KLHL36: variants seen among roughly 807,000 people sequenced by gnomAD.
KLHL36 encodes kelch-like protein 36.
Under a neutral mutation model 53.3 loss-of-function variants are expected in KLHL36, and 35 were observed. That is an observed-to-expected ratio of 0.66 (90% CI 0.50 to 0.87). The LOEUF is 0.87. KLHL36 is among the 40% of genes least tolerant of loss of function. The pLI, the probability that KLHL36 is intolerant of heterozygous loss-of-function variation, is 0.00. For synonymous variants in KLHL36, 472 were observed against 398.9 expected, an observed-to-expected ratio of 1.18 and a Z score of -2.18; for missense variants, 864 against 897.6, an observed-to-expected ratio of 0.96 and a Z score of 0.48.
rs918490442 is a variant in KLHL36, at chr16:84,661,366, G to A, written c.1296-212G>A. Among the ~76,000 whole-genome samples the A allele has an allele frequency of 6.6e-6, 1 of 152,158 alleles. No homozygotes were observed. The highest frequency in any genetic ancestry group is 1.9e-4 in the East Asian group (1 of 5,194). Reference sequence around the variant, plus strand: ...AGTGAAGCTGGGTTCTGGCCCAGGCGGCCTGACTGCAAAGCTGTCCACTTC... The same window carrying A: ...AGTGAAGCTGGGTTCTGGCCCAGGCAGCCTGACTGCAAAGCTGTCCACTTC... On this transcript the variant is annotated intron_variant, in intron 4 of 4. Coordinates refer to ENST00000564996, the MANE Select transcript of KLHL36 (RefSeq NM_024731.4). The surrounding 1 kb of genome is among the most constrained non-coding windows in gnomAD (Gnocchi z 7.9).
At chr16:84,656,090 C>T (rs1032429717) in intron 2 of KLHL36, among the ~76,000 whole-genome samples, 2 of 151,752 alleles carry the variant, frequency 1.3e-5, no homozygotes, top group Non-Finnish European at 2.9e-5. Flanking sequence ...ACAGGAATCT[C>T]GCTATGTTGC....
At chr16:84,652,958 C>T (rs574981939) in intron 2 of KLHL36, among the ~76,000 whole-genome samples, 1 of 152,244 alleles carries the variant, frequency 6.6e-6, no homozygotes, top group South Asian at 2.1e-4. Flanking sequence ...TGGCTCACGC[C>T]TGTAATCCCA....
Position 84,665,974 on chromosome 16 carries a change from T to A in KLHL36, c.*3841T>A, listed in dbSNP as rs1045495538. On this transcript the variant is annotated 3_prime_UTR_variant, in exon 5 of 5. Transcript: ENST00000564996. ...AGCCCGTGGTTGGAACCCCGTCCAC[T>A]GGTCCCAAACCTGGAGGGGCAGCTG... 6.6e-6 allele frequency: 1 copy of A among 152,122 alleles called. No individual in the cohort carries two copies. Among genetic ancestry groups the A allele is most frequent in the Non-Finnish European group, 1.5e-5 (1 of 68,062 alleles). 9.4% of individuals were successfully genotyped at this position (152,122 alleles called of 1,614,324 possible). A position where few individuals can be genotyped will look rare whatever the true frequency, so the allele number is the denominator to read the frequency against.
Position 84,665,126 on chromosome 16 carries a change from A to C in KLHL36, c.*2993A>C, listed in dbSNP as rs867425. The C allele has an allele frequency of 0.19, 28,361 of 152,206 alleles. 2,919 individuals are homozygous for C. The highest frequency in any genetic ancestry group is 0.22 in the Non-Finnish European group (14,634 of 68,004). 9.4% of individuals were successfully genotyped at this position (152,206 alleles called of 1,614,324 possible). A position where few individuals can be genotyped will look rare whatever the true frequency, so the allele number is the denominator to read the frequency against. ...AGTCACGAATGTGGGGTTTTAAACT[A>C]GAGTGATGAAGGCACAGGTGCTTGC... is the stretch of plus-strand genomic sequence containing the variant. On this transcript the variant is annotated 3_prime_UTR_variant, in exon 5 of 5. Coordinates refer to ENST00000564996, the MANE Select transcript of KLHL36 (RefSeq NM_024731.4).
Position 84,665,436 on chromosome 16 carries a change from G to A in KLHL36, c.*3303G>A, listed in dbSNP as rs1907783227. The A allele has an allele frequency of 6.6e-6, 1 of 152,214 alleles. No homozygotes were observed. Among genetic ancestry groups the A allele is most frequent in the Non-Finnish European group, 1.5e-5 (1 of 68,040 alleles). 9.4% of individuals were successfully genotyped at this position (152,214 alleles called of 1,614,324 possible). A position where few individuals can be genotyped will look rare whatever the true frequency, so the allele number is the denominator to read the frequency against. ...TTATAATAATAGAAGGGAGGGAGTA[G>A]AAAGCTGATGAACCCTTGTTACTTA... On this transcript the variant is annotated 3_prime_UTR_variant, in exon 5 of 5. Transcript: ENST00000564996.
intron 1 of KLHL36, among the ~76,000 whole-genome samples, chr16:84,650,094 G>A (rs1906759516): frequency 6.6e-6 from 1 of 152,008 alleles, no homozygotes; most frequent in Non-Finnish European, 1.5e-5. Flanking sequence ...AATTCTGCCA[G>A]TTCCCAGCTG....
rs1009555955 is a variant in KLHL36, at chr16:84,667,136, C to A, written c.*5003C>A. The stretch of plus-strand genomic sequence containing the variant: ...CAGAGTTGAATGAATGTACACATTT[C>A]GGTAGTGGGGGGGCAGAGCGGATAA... On this transcript the variant is annotated 3_prime_UTR_variant, in exon 5 of 5. Coordinates refer to ENST00000564996, the MANE Select transcript of KLHL36 (RefSeq NM_024731.4). 6.6e-6 allele frequency: 1 copy of A among 151,828 alleles called. No homozygotes were observed. The highest frequency in any genetic ancestry group is 2.4e-5 in the African/African-American group (1 of 41,328). 9.4% of individuals were successfully genotyped at this position (151,828 alleles called of 1,614,324 possible).
intron 4 of KLHL36, among the ~76,000 whole-genome samples, chr16:84,660,527 C>G (rs1907484765): frequency 6.6e-6 from 1 of 152,178 alleles, no homozygotes; most frequent in Non-Finnish European, 1.5e-5. Context: ...CACCAGTTCC[C>G]TGTTGCCGCA....
chr16:84,661,396 C>T lies in KLHL36; in HGVS notation c.1296-182C>T, dbSNP rs1269994946. On this transcript the variant is annotated intron_variant, in intron 4 of 4. Transcript: ENST00000564996. The surrounding 1 kb of genome is among the most constrained non-coding windows in gnomAD (Gnocchi z 7.9). ...GACTGCAAAGCTGTCCACTTCCCCG[C>T]CCTGCCCTGCCATTTCTTTGCTAAT... Among the ~76,000 whole-genome samples, 2 of 152,198 alleles carry T rather than the reference C, an allele frequency of 1.3e-5. No individual in the cohort carries two copies. Among genetic ancestry groups the T allele is most frequent in the Admixed American group, 6.5e-5 (1 of 15,284 alleles).
In KLHL36 at chr16:84,648,543, T is replaced by A. The variant is rs1906586653; in HGVS notation, c.-123T>A. 6.8e-6 allele frequency: 1 copy of A among 146,684 alleles called. No homozygotes were observed. The highest frequency in any genetic ancestry group is 3.5e-3 in the Middle Eastern group (1 of 282). The allele number at this position is 146,684 out of a possible 1,614,324, so 9.1% of individuals were successfully genotyped here. On this transcript the variant is annotated 5_prime_UTR_variant, in exon 1 of 5. Coordinates refer to ENST00000564996, the MANE Select transcript of KLHL36 (RefSeq NM_024731.4). The surrounding 1 kb of genome is among the most constrained non-coding windows in gnomAD (Gnocchi z 4.9). ...TCGCACTTCCTGGCGGAGCCATGGCTGCGCAGCGGGCTGGCCGGGGGTCTC... is the reference window on the plus strand; with the variant it reads ...TCGCACTTCCTGGCGGAGCCATGGCAGCGCAGCGGGCTGGCCGGGGGTCTC...
chr16:84,650,789 C>G, intron 1 of KLHL36, 63 bp from the exon 2 acceptor site: 8 of 1,191,354 alleles, frequency 6.7e-6, no homozygotes, highest in Non-Finnish European at 9.9e-6. Context: ...GCTAGCAGGG[C>G]CTGAAATTAA....
intron 2 of KLHL36, among the ~76,000 whole-genome samples, chr16:84,655,252 A>G (rs1176676996): frequency 1.3e-5 from 2 of 152,228 alleles, no homozygotes; most frequent in African/African-American, 4.8e-5. Flanking sequence ...GGATGTGGAA[A>G]TACCACAGGG....
intron 4 of KLHL36, 94 bp downstream of exon 4, chr16:84,660,011 C>T: frequency 1.6e-6 from 2 of 1,215,080 alleles, no homozygotes; most frequent in Non-Finnish European, 2.3e-6. Context: ...ATGTTGGCCT[C>T]CAATTCCAGG....
chr16:84,662,098 G>T lies in KLHL36; in HGVS notation c.1816G>T (p.Gly606Cys). ...ACGGCCAGAGGACAAGAAGAAGAAA[G>T]GCAAAGGCAAGAGGCACCAGGACCG... ...EPRPEDKKKK[G>C]KGKRHQDRGQ Residue 606 changes from glycine (G) to cysteine (C), a missense_variant, in exon 5 of 5, where the codon GGC (glycine) becomes TGC (cysteine). Gly to Cys is a radical substitution (Grantham distance 159, BLOSUM62 -3). Coordinates refer to ENST00000564996, the MANE Select transcript of KLHL36 (RefSeq NM_024731.4). The T allele has an allele frequency of 6.4e-7, 1 of 1,566,784 alleles. No homozygotes were observed. The highest frequency in any genetic ancestry group is 8.7e-7 in the Non-Finnish European group (1 of 1,155,042).
At chr16:84,660,832 G>A (rs772978759) in intron 4 of KLHL36, among the ~76,000 whole-genome samples, 1 of 152,114 alleles carries the variant, frequency 6.6e-6, no homozygotes, top group Non-Finnish European at 1.5e-5. Context: ...ATGTTAGCCA[G>A]GCTGGTCTTG....
rs1907757886 is a variant in KLHL36 at position 84,664,940 on chromosome 16, C to G, written c.*2807C>G. 6.6e-6 allele frequency: 1 copy of G among 152,214 alleles called. No homozygotes were observed. Among genetic ancestry groups the G allele is most frequent in the African/African-American group, 2.4e-5 (1 of 41,440 alleles). 9.4% of individuals were successfully genotyped at this position (152,214 alleles called of 1,614,324 possible). The stretch of plus-strand genomic sequence containing the variant: ...GCTTAGGAGGCTGAGGTGGGAGAAT[C>G]ACCTGAGCCTGGGAGGTTGAGGCTG... On this transcript the variant is annotated 3_prime_UTR_variant, in exon 5 of 5. Transcript: ENST00000564996.
rs1196072629 is a variant in KLHL36, at chr16:84,648,629, G to A, written c.-37G>A. On this transcript the variant is annotated 5_prime_UTR_variant, in exon 1 of 5. Transcript: ENST00000564996. This position sits in a 1 kb window ranked among gnomAD's most constrained non-coding sequence, Gnocchi z 4.9. ...CCGCCGCCGGGGCTGTCCCCGCCGC[G>A]TCCGTAGCGCGTCCTGCCAGGTGGG... 1 of 147,728 alleles carries A rather than the reference G, an allele frequency of 6.8e-6. No homozygotes were observed. 9.2% of individuals were successfully genotyped at this position (147,728 alleles called of 1,614,324 possible). A position where few individuals can be genotyped will look rare whatever the true frequency, so the allele number is the denominator to read the frequency against.
At position 84,657,221 on chromosome 16, in the gene KLHL36, C is replaced by G; in HGVS notation, c.414C>G (p.Tyr138Ter). 6.2e-7 allele frequency: 1 copy of G among 1,614,180 alleles called. No individual in the cohort carries two copies. Among genetic ancestry groups the G allele is most frequent in the Non-Finnish European group, 8.5e-7 (1 of 1,180,026 alleles). Reference sequence around the variant, plus strand: ...CGGTGGTAGACTTCTGCTGTGAGTACCTGGAGCAGGAGGTGAGCGAGGACA... The same window carrying G: ...CGGTGGTAGACTTCTGCTGTGAGTAGCTGGAGCAGGAGGTGAGCGAGGACA... ...IWTVVDFCCEYLEQEVSEDNY... is the reference protein window; with the variant it reads ...IWTVVDFCCE Residue 138 changes from tyrosine to a stop codon, truncating the protein, a stop_gained, in exon 3 of 5, where the codon TAC (tyrosine) becomes TAG (stop). Transcript: ENST00000564996. LOFTEE classifies it high-confidence loss of function.
At position 84,657,339 on chromosome 16, in the gene KLHL36, C is replaced by T. The variant is rs773473463; in HGVS notation, c.532C>T (p.Leu178=). 5.7e-5 allele frequency: 92 copies of T among 1,613,038 alleles called. No individual in the cohort carries two copies. The highest frequency in any genetic ancestry group is 9.3e-5 in the African/African-American group (7 of 74,950). Residue 178 remains leucine, a synonymous_variant, in exon 3 of 5, where the codon CTG becomes TTG. Transcript: ENST00000564996. ...DGFILNHFGT[L]SFTPDFLQNV... is the part of the protein sequence containing the mutation. ...CTTCATCCTGAACCACTTCGGCACG[C>T]TGTCCTTTACGCCCGACTTCCTGCA...
Sources: allele counts gnomAD v4.1 joint callset (sites outside exome capture counted in the v4.1 genomes callset), GRCh38; gene constraint gnomAD v4.1.1; non-coding constraint Gnocchi (gnomAD v3.1); transcripts MANE v1.5; gene names NCBI Gene and HGNC (gene_info 2026-07-23, HGNC 2026-07-21).